Variants in MATCAP2 observed in about 807,000 individuals in gnomAD.
The protein encoded by MATCAP2 is microtubule associated tyrosine carboxypeptidase 2, also known as putative tyrosine carboxypeptidase MATCAP2.
the MATCAP2 span, among the ~76,000 whole-genome samples, chr7:36,333,576 AAAAAAAG>A: frequency 1.0e-4 from 14 of 138,484 alleles, no homozygotes; most frequent in East Asian, 2.1e-3. Flanking sequence ...CAAAAAAAGC[AAAAAAAG>A]AAATGTTAAC....
the MATCAP2 span, among the ~76,000 whole-genome samples, chr7:36,381,233 G>C: frequency 6.6e-6 from 1 of 152,188 alleles, no homozygotes; most frequent in Non-Finnish European, 1.5e-5. Flanking sequence ...TTAGAATCAG[G>C]AGACCAGGTT....
chr7:36,371,569 T>C, the MATCAP2 span, among the ~76,000 whole-genome samples: 6 of 152,124 alleles, frequency 3.9e-5, no homozygotes, highest in African/African-American at 1.4e-4. Flanking sequence ...AAGAAGATCA[T>C]TTTCTTTTTT....
the MATCAP2 span, among the ~76,000 whole-genome samples, chr7:36,354,464 A>C: frequency 2.0e-5 from 3 of 152,248 alleles, no homozygotes; most frequent in African/African-American, 7.2e-5. Flanking sequence ...CAGATTGTGA[A>C]ACTCAAGAGA....
At chr7:36,350,311 A>C in the MATCAP2 span, among the ~76,000 whole-genome samples, 1 of 152,226 alleles carries the variant, frequency 6.6e-6, no homozygotes, top group Non-Finnish European at 1.5e-5. Flanking sequence ...TATGTGTTTT[A>C]ATATAACAAT....
the MATCAP2 span, chr7:36,327,022 T>G: frequency 3.0e-6 from 3 of 987,538 alleles, no homozygotes; most frequent in Non-Finnish European, 4.4e-6. Flanking sequence ...AGATCATTTG[T>G]CAAATTATTT....
the MATCAP2 span, chr7:36,355,623 A>G: frequency 1.3e-5 from 2 of 152,252 alleles, no homozygotes; most frequent in South Asian, 2.1e-4. Flanking sequence ...GCCAGATTCC[A>G]TGTTATCTAT....
the MATCAP2 span, among the ~76,000 whole-genome samples, chr7:36,348,905 A>T: frequency 6.6e-6 from 1 of 152,224 alleles, no homozygotes; most frequent in Non-Finnish European, 1.5e-5. Context: ...AGGCACTGGG[A>T]AACTTGTTTA....
At chr7:36,326,520 T>C in the MATCAP2 span, 1 of 296,798 alleles carries the variant, frequency 3.4e-6, no homozygotes, top group Non-Finnish European at 6.2e-6. Flanking sequence ...AGTAGTATTT[T>C]CATCTGACTC....
chr7:36,334,021 G>A, the MATCAP2 span: 1 of 1,613,948 alleles, frequency 6.2e-7, no homozygotes, highest in Non-Finnish European at 8.5e-7. Context: ...CATAAAAAAG[G>A]GTCTTTTCTA....
the MATCAP2 span, among the ~76,000 whole-genome samples, chr7:36,327,355 G>A: frequency 2.6e-5 from 4 of 152,208 alleles, no homozygotes; most frequent in East Asian, 1.9e-4. Flanking sequence ...GGCTGGTCTC[G>A]AACTCCTGAC....
the MATCAP2 span, among the ~76,000 whole-genome samples, chr7:36,379,029 G>GA: frequency 6.6e-6 from 1 of 152,230 alleles, no homozygotes; most frequent in African/African-American, 2.4e-5. Flanking sequence ...CTAGGAAAGG[G>GA]AAATCCCCTG....
the MATCAP2 span, among the ~76,000 whole-genome samples, chr7:36,375,537 G>T: frequency 6.6e-6 from 1 of 152,140 alleles, no homozygotes; most frequent in African/African-American, 2.4e-5. Context: ...AGGGATATTG[G>T]TCTAAAATTC....
the MATCAP2 span, chr7:36,330,914 G>A: frequency 2.2e-6 from 2 of 904,386 alleles, no homozygotes; most frequent in South Asian, 3.1e-5. Flanking sequence ...CTTATTTAAT[G>A]CTAAGCTTGA....
the MATCAP2 span, among the ~76,000 whole-genome samples, chr7:36,369,135 G>A: frequency 1.3e-5 from 2 of 152,058 alleles, no homozygotes; most frequent in Non-Finnish European, 2.9e-5. Context: ...CCCACACCAA[G>A]AAGAGTGGCT....
chr7:36,372,366 T>A, the MATCAP2 span, among the ~76,000 whole-genome samples: 1 of 152,120 alleles, frequency 6.6e-6, no homozygotes, highest in African/African-American at 2.4e-5. Flanking sequence ...AGAATTGGTT[T>A]TTCCTTGGCT....
the MATCAP2 span, among the ~76,000 whole-genome samples, chr7:36,384,905 C>T: frequency 6.6e-6 from 1 of 151,250 alleles, no homozygotes; most frequent in Admixed American, 6.6e-5. Context: ...TAGGAGAATA[C>T]TAGGTTATTC....
At chr7:36,386,288 T>A in the MATCAP2 span, among the ~76,000 whole-genome samples, 11 of 152,118 alleles carry the variant, frequency 7.2e-5, no homozygotes, top group Non-Finnish European at 1.5e-4. Flanking sequence ...ATCCAGATAG[T>A]TTAAAGACAA....
At chr7:36,383,115 G>GA in the MATCAP2 span, among the ~76,000 whole-genome samples, 8 of 151,516 alleles carry the variant, frequency 5.3e-5, no homozygotes, top group Admixed American at 4.6e-4. Flanking sequence ...AATTAAACTA[G>GA]AAAAAAAATC....
chr7:36,374,246 C>CTTT, the MATCAP2 span, among the ~76,000 whole-genome samples: 2 of 143,080 alleles, frequency 1.4e-5, no homozygotes, highest in Non-Finnish European at 1.5e-5. Flanking sequence ...GCAAGGCTAA[C>CTTT]TTTTTTTTTT....
Sources: gnomAD v4.1 joint callset for allele counts (sites outside exome capture counted in the v4.1 genomes callset) on GRCh38, gnomAD v4.1.1 for gene constraint, MANE v1.5 for transcripts, NCBI Gene and HGNC (gene_info 2026-07-23, HGNC 2026-07-21) for gene names.